The following RBFOX1 variants were observed in gnomAD, a reference collection of about 807,000 sequenced individuals.
RBFOX1 encodes the protein RNA binding fox-1 homolog 1, also known as RNA binding protein fox-1 homolog 1.
In RBFOX1, 8 loss-of-function variants were observed where a neutral mutation model predicts 57.7. That is an observed-to-expected ratio of 0.14 (90% CI 0.08 to 0.25). The LOEUF is 0.25. RBFOX1 is among the 10% of genes least tolerant of loss of function. The pLI is 1.00. For missense variants in RBFOX1, 611 were observed against 548.5 expected (o/e 1.11, Z -1.14); for synonymous variants, 326 against 222.4 (o/e 1.47, Z -4.15).
At chr16:7,241,051 G>C (rs796603950) in intron 4 of RBFOX1, among the ~76,000 whole-genome samples, 21 of 152,234 alleles carry the variant, frequency 1.4e-4, no homozygotes, top group African/African-American at 4.8e-4. Context: ...ACTGGATTTG[G>C]GTTGGAAAAG....
In RBFOX1 at chr16:6,143,592, T is replaced by C. The variant is rs76832900; in HGVS notation, c.-127+123600T>C. ...TACCATAAGCATCCAAGTGATTCTG[T>C]TCTCTCTTGGAGGATGATAATTGCC... On this transcript the variant is annotated intron_variant, in intron 1 of 15. Coordinates refer to ENST00000550418, the MANE Select transcript of RBFOX1 (RefSeq NM_018723.4). Among the ~76,000 whole-genome samples the C allele has an allele frequency of 1.4e-3, 215 of 152,306 alleles. 3 individuals carry two copies. The East Asian group carries it at 0.038, about 27-fold the overall frequency.
intron 3 of RBFOX1, among the ~76,000 whole-genome samples, chr16:6,990,179 T>C (rs1010422105): frequency 6.6e-6 from 1 of 152,112 alleles, no homozygotes; most frequent in South Asian, 2.1e-4. Flanking sequence ...GTTGAAGAAA[T>C]GAATGGAATG....
intron 1 of RBFOX1, among the ~76,000 whole-genome samples, chr16:6,167,081 GT>G (rs2013769610): frequency 6.6e-6 from 1 of 152,148 alleles, no homozygotes; most frequent in African/African-American, 2.4e-5. Context: ...CCTTGCCTGT[GT>G]TTTGGGAGTC....
chr16:6,319,553 G>T (rs2081515275), intron 2 of RBFOX1, among the ~76,000 whole-genome samples: 1 of 152,196 alleles, frequency 6.6e-6, no homozygotes, highest in South Asian at 2.1e-4. Flanking sequence ...TTAGACAAGA[G>T]ACCAGTATGG....
At chr16:5,747,570 T>C (rs1392027502) in intron 3 of RBFOX1, among the ~76,000 whole-genome samples, 4 of 152,166 alleles carry the variant, frequency 2.6e-5, no homozygotes, top group Non-Finnish European at 5.9e-5. Context: ...CTGTGATTCG[T>C]CTGTTCAGGG....
intron 2 of RBFOX1, among the ~76,000 whole-genome samples, chr16:6,630,394 T>C (rs554755205): frequency 2.0e-5 from 3 of 152,268 alleles, no homozygotes; most frequent in South Asian, 2.1e-4. Context: ...TTAATGATAC[T>C]CAAAAGAAAG....
intron 1 of RBFOX1, among the ~76,000 whole-genome samples, chr16:6,287,824 C>G (rs1444619769): frequency 6.6e-6 from 1 of 152,082 alleles, no homozygotes; most frequent in Non-Finnish European, 1.5e-5. Context: ...AATTATTATG[C>G]TATTGTTTCT....
chr16:7,510,328 T>C (rs768388113), intron 4 of RBFOX1: 22 of 985,778 alleles, frequency 2.2e-5, no homozygotes, highest in Non-Finnish European at 2.5e-5. Context: ...TTTGTTTTTT[T>C]TTCCATTTAA....
chr16:6,566,328 T>A (rs1600078141), intron 2 of RBFOX1, among the ~76,000 whole-genome samples: 1 of 152,358 alleles, frequency 6.6e-6, no homozygotes, highest in Non-Finnish European at 1.5e-5. Flanking sequence ...GGTGTGATCC[T>A]GTCAAAAGCA....
At chr16:5,817,785 C>A (rs1198824594) in intron 3 of RBFOX1, among the ~76,000 whole-genome samples, 3 of 151,648 alleles carry the variant, frequency 2.0e-5, no homozygotes, top group African/African-American at 7.3e-5. Context: ...GCTCCGACTC[C>A]CGGGTTCGCG....
intron 4 of RBFOX1, among the ~76,000 whole-genome samples, chr16:7,165,375 C>T (rs1011319293): frequency 1.3e-4 from 11 of 83,070 alleles, no homozygotes; most frequent in Admixed American, 1.2e-3. Context: ...AGGCCCAGAT[C>T]ATAACTCTTC....
At chr16:5,990,170 T>G (rs1346105626) in intron 4 of RBFOX1, among the ~76,000 whole-genome samples, 4 of 152,128 alleles carry the variant, frequency 2.6e-5, no homozygotes, top group Non-Finnish European at 5.9e-5. Context: ...CCTTTTTTTG[T>G]GGAGATAGGG....
At chr16:7,699,342 C>A (rs1026991843) in intron 14 of RBFOX1, among the ~76,000 whole-genome samples, 2 of 152,192 alleles carry the variant, frequency 1.3e-5, no homozygotes, top group African/African-American at 4.8e-5. Flanking sequence ...CAGGCAGGTG[C>A]TACCACACCC....
chr16:7,638,765 G>T (rs1294105816), intron 11 of RBFOX1, among the ~76,000 whole-genome samples: 4 of 152,060 alleles, frequency 2.6e-5, no homozygotes, highest in Non-Finnish European at 5.9e-5. Context: ...ATGAATAGGC[G>T]TGACTGTGTT....
In RBFOX1 at chr16:6,564,590, A is replaced by G. The variant is rs368495467; in HGVS notation, c.-63-90013A>G. ...TGATCTCACTGATATATGGAATCTA[A>G]AAAGCTGAACTCTTGGAAGCAGAGA... is the stretch of plus-strand genomic sequence containing the variant. On this transcript the variant is annotated intron_variant, in intron 2 of 15. Coordinates refer to ENST00000550418, the MANE Select transcript of RBFOX1 (RefSeq NM_018723.4). Among the ~76,000 whole-genome samples, 151 of 152,260 alleles carry G rather than the reference A, an allele frequency of 9.9e-4. 3 individuals are homozygous for G. In the South Asian group the frequency reaches 0.026, roughly 26 times the overall value.
At chr16:7,309,081 G>A (rs1383906522) in intron 4 of RBFOX1, among the ~76,000 whole-genome samples, 1 of 152,236 alleles carries the variant, frequency 6.6e-6, no homozygotes, top group East Asian at 1.9e-4. Flanking sequence ...AGGAATTTAA[G>A]TGGCTGGAAT....
At chr16:6,516,248 C>A (rs577267163) in intron 2 of RBFOX1, among the ~76,000 whole-genome samples, 124 of 152,250 alleles carry the variant, frequency 8.1e-4, no homozygotes, top group African/African-American at 2.9e-3. Flanking sequence ...AGGCTAGTCT[C>A]GAACTCCTGA....
At chr16:6,240,410 G>T (rs2097534077) in intron 1 of RBFOX1, among the ~76,000 whole-genome samples, 1 of 152,072 alleles carries the variant, frequency 6.6e-6, no homozygotes, top group Non-Finnish European at 1.5e-5. Context: ...TGGGTGGGAA[G>T]AACCAACTAA....
chr16:6,295,111 T>G (rs201767741), intron 1 of RBFOX1, among the ~76,000 whole-genome samples: 2 of 88,144 alleles, frequency 2.3e-5, no homozygotes, highest in Admixed American at 1.2e-4. Context: ...TTTTTTTTTT[T>G]TTTTTTTTTT....
Sources: gnomAD v4.1 joint callset for allele counts (sites outside exome capture counted in the v4.1 genomes callset) on GRCh38, gnomAD v4.1.1 for gene constraint, MANE v1.5 for transcripts, NCBI Gene and HGNC (gene_info 2026-07-23, HGNC 2026-07-21) for gene names.